HAUS8: variants seen among roughly 807,000 people sequenced by gnomAD.
The protein encoded by HAUS8 is HAUS augmin-like complex subunit 8.
HAUS8 carries 38 observed loss-of-function variants against 42.9 expected under a neutral mutation model. The observed-to-expected ratio is 0.89, with a 90% CI of 0.68 to 1.16. HAUS8 has a LOEUF of 1.16. Among genes scored for constraint, HAUS8 ranks in the 50% most tolerant of loss-of-function variants. The probability of loss-of-function intolerance (pLI) is 0.00; values close to 1 mark genes in which losing one functional copy is unlikely to be tolerated. For synonymous variants in HAUS8, 199 were observed against 205.8 expected (o/e 0.97, Z 0.28); for missense variants, 494 against 511.6 (o/e 0.97, Z 0.33).
rs147917898 is a variant in HAUS8 at position 17,072,754 on chromosome 19, C to T, written c.91+520G>A. ...GAGGCCGTTAACGGTGATCCCAGACCGATAGGTGGAAATCAGATGTACAGG... is the reference window on the plus strand; with the variant it reads ...GAGGCCGTTAACGGTGATCCCAGACTGATAGGTGGAAATCAGATGTACAGG... On this transcript the variant is annotated intron_variant, in intron 2 of 10. Coordinates refer to ENST00000253669, the MANE Select transcript of HAUS8 (RefSeq NM_033417.2). Among the ~76,000 whole-genome samples the T allele has an allele frequency of 1.8e-3, 270 of 151,850 alleles. 1 individual carries two copies. The highest frequency in any genetic ancestry group is 6.3e-3 in the African/African-American group (261 of 41,428).
intron 3 of HAUS8, among the ~76,000 whole-genome samples, chr19:17,063,280 C>T (rs1459957929): frequency 6.6e-6 from 1 of 152,112 alleles, no homozygotes; most frequent in Non-Finnish European, 1.5e-5. Flanking sequence ...GAGGATCGCT[C>T]GGGTCCAGGG....
At chr19:17,075,476 G>C, upstream of HAUS8, 1 of 1,602,186 alleles carries the variant, frequency 6.2e-7, no homozygotes. Context: ...AGCCGGACCC[G>C]CCCCCTTGCT....
intron 1 of HAUS8, 154 bp downstream of exon 1, chr19:17,075,240 G>A (rs1421798313): frequency 1.5e-5 from 12 of 790,990 alleles, no homozygotes; most frequent in Non-Finnish European, 2.5e-5. Context: ...CATGCGCAGA[G>A]GCAGCACGCC....
chr19:17,060,126 G>T, intron 4 of HAUS8, 34 bp from the exon 5 acceptor site: 1 of 1,418,114 alleles, frequency 7.1e-7, no homozygotes, highest in Non-Finnish European at 1.0e-6. Context: ...AGTCAGCACA[G>T]TCAAGAGACA....
intron 3 of HAUS8, among the ~76,000 whole-genome samples, chr19:17,067,329 T>C (rs2057392993): frequency 2.6e-5 from 4 of 151,986 alleles, no homozygotes; most frequent in Admixed American, 1.3e-4. Flanking sequence ...GCCACAGATA[T>C]GACCTTCTAA....
At chr19:17,052,718 C>A in intron 10 of HAUS8, 107 bp downstream of exon 10, 1 of 1,197,140 alleles carries the variant, frequency 8.4e-7, no homozygotes, top group Non-Finnish European at 1.2e-6. Context: ...GGGGACTGAA[C>A]CTCCTCTGAA....
intron 3 of HAUS8, among the ~76,000 whole-genome samples, chr19:17,065,064 A>C (rs1203154718): frequency 6.6e-6 from 1 of 152,256 alleles, no homozygotes; most frequent in Non-Finnish European, 1.5e-5. Context: ...GCAAAGATAC[A>C]GGAATGGCAA....
intron 10 of HAUS8, chr19:17,051,812 G>A (rs951842954): frequency 6.6e-6 from 1 of 151,836 alleles, no homozygotes; most frequent in African/African-American, 2.4e-5. Context: ...GAGACCACAG[G>A]CATGCACCAG....
intron 4 of HAUS8, chr19:17,060,337 T>C (rs2057353150): frequency 2.3e-6 from 1 of 428,754 alleles, no homozygotes. Context: ...GAGACGCAAA[T>C]AGGCCTTTCT....
chr19:17,062,847 G>T (rs139078049), intron 3 of HAUS8, 68 bp from the exon 4 acceptor site: 10 of 1,145,600 alleles, frequency 8.7e-6, no homozygotes, highest in African/African-American at 1.5e-5. Context: ...GCCCTGATGC[G>T]GTCTGCACTG....
intron 3 of HAUS8, among the ~76,000 whole-genome samples, chr19:17,064,178 C>A (rs547936873): frequency 6.6e-6 from 1 of 152,130 alleles, no homozygotes; most frequent in Non-Finnish European, 1.5e-5. Flanking sequence ...TAGTTATAAA[C>A]CAAATAAAAT....
chr19:17,075,411 G>C lies in HAUS8; in HGVS notation c.12C>G (p.Ser4=), dbSNP rs751280693. Residue 4 remains serine, a synonymous_variant, in exon 1 of 11, where the codon TCC becomes TCG. Transcript: ENST00000253669. ...CAACTCACCCAGCGCCTCGCCCCGA[G>C]GAATCCGCCATTTTCCCGCCTTCCA... MAD[S]SGRGAGKPAT... 6.2e-7 allele frequency: 1 copy of C among 1,613,910 alleles called. No individual in the cohort carries two copies.
Position 17,056,009 on chromosome 19 carries a change from G to A in HAUS8, c.646-7C>T, listed in dbSNP as rs765463786. On this transcript the variant is annotated splice_polypyrimidine_tract_variant and splice_region_variant and intron_variant, in intron 8 of 10. Coordinates refer to ENST00000253669, the MANE Select transcript of HAUS8 (RefSeq NM_033417.2). ...AGGGGCTGAGCATCTCGATCTGTAAGCAGAAGGGATAATCAGGGGAGACCC... is the reference window on the plus strand; with the variant it reads ...AGGGGCTGAGCATCTCGATCTGTAAACAGAAGGGATAATCAGGGGAGACCC... 3.1e-6 allele frequency: 5 copies of A among 1,613,824 alleles called. No individual in the cohort carries two copies. In the Admixed American group the frequency reaches 5.0e-5, roughly 16 times the overall value.
At chr19:17,075,270 C>G in intron 1 of HAUS8, 124 bp downstream of exon 1, 1 of 1,069,438 alleles carries the variant, frequency 9.4e-7, no homozygotes. Context: ...TTCAGGGGCC[C>G]GCGCAGTTCC....
upstream of HAUS8, chr19:17,075,473 C>T (rs1382770943): frequency 5.6e-6 from 9 of 1,605,698 alleles, no homozygotes; most frequent in African/African-American, 6.7e-5. Flanking sequence ...CAAAGCCGGA[C>T]CCGCCCCCTT....
chr19:17,055,102 C>A (rs1478077486), intron 9 of HAUS8: 3 of 104,318 alleles, frequency 2.9e-5, no homozygotes, highest in Admixed American at 1.2e-4. Flanking sequence ...ATAGCGAAAC[C>A]CCGTCTCTAC....
chr19:17,052,514 G>T (rs74843931), intron 10 of HAUS8: 17,089 of 225,098 alleles, frequency 0.076, 814 homozygotes, highest in South Asian at 0.099. Flanking sequence ...GCAATTTGAG[G>T]TTGCAGTGAG....
At chr19:17,060,962 G>C (rs2057356914) in intron 4 of HAUS8, among the ~76,000 whole-genome samples, 1 of 152,134 alleles carries the variant, frequency 6.6e-6, no homozygotes, top group Admixed American at 6.6e-5. Context: ...CTGAGGAAAT[G>C]AATGACCTGG....
At position 17,058,826 on chromosome 19, in the gene HAUS8, C is replaced by CG. The variant is rs762857149; in HGVS notation, c.470dup (p.Leu158AlafsTer12). On this transcript the variant is annotated frameshift_variant, in exon 7 of 11. Coordinates refer to ENST00000253669, the MANE Select transcript of HAUS8 (RefSeq NM_033417.2). LOFTEE classifies it high-confidence loss of function. ...CTGTTTTCACCTTTACGGATAGTAGCGTCAGCAGTAGTGTCTGAGACTCCA... is the reference window on the plus strand; with the variant it reads ...CTGTTTTCACCTTTACGGATAGTAGCGGTCAGCAGTAGTGTCTGAGACTCCA... The CG allele has an allele frequency of 6.2e-7, 1 of 1,613,292 alleles. No homozygotes were observed. The highest frequency in any genetic ancestry group is 8.5e-7 in the Non-Finnish European group (1 of 1,179,770).
Sources: allele counts gnomAD v4.1 joint callset (sites outside exome capture counted in the v4.1 genomes callset), GRCh38; gene constraint gnomAD v4.1.1; transcripts MANE v1.5; gene names NCBI Gene and HGNC (gene_info 2026-07-23, HGNC 2026-07-21).